The following RALGDS variants were observed in gnomAD, a reference collection of about 807,000 sequenced individuals.
RALGDS encodes the protein ral guanine nucleotide dissociation stimulator.
RALGDS carries 44 observed loss-of-function variants against 99.8 expected under a neutral mutation model. That is an observed-to-expected ratio of 0.44 (90% CI 0.35 to 0.57). The LOEUF (loss-of-function observed/expected upper bound fraction) is 0.57, where lower values mean the gene tolerates loss of function less well. Among genes scored for constraint, RALGDS ranks in the 20% least tolerant of loss-of-function variants. The pLI, the probability that RALGDS is intolerant of heterozygous loss-of-function variation, is 0.01. For missense variants in RALGDS, 1,022 were observed against 1,203.1 expected (o/e 0.85, Z 2.23); for synonymous variants, 529 against 505.0 (o/e 1.05, Z -0.64).
At chr9:133,099,217 C>T (rs1266953454) in intron 17 of RALGDS, 2 of 172,210 alleles carry the variant, frequency 1.2e-5, no homozygotes, top group Non-Finnish European at 2.5e-5. Context: ...ACCCGGCAAG[C>T]ACTTCCTTTT....
intron 1 of RALGDS, among the ~76,000 whole-genome samples, chr9:133,139,404 G>C (rs543692138): frequency 1.2e-3 from 178 of 152,318 alleles, no homozygotes; most frequent in Non-Finnish European, 1.0e-3. Flanking sequence ...CGAGGGGGCA[G>C]GGGGACCAGG....
chr9:133,114,676 C>T (rs575209271), intron 1 of RALGDS, among the ~76,000 whole-genome samples: 9 of 152,326 alleles, frequency 5.9e-5, no homozygotes, highest in South Asian at 4.1e-4. Flanking sequence ...GCAGAGAAAA[C>T]GCTTTCCCCT....
At chr9:133,106,058 T>C (rs1218031653) in intron 8 of RALGDS, 42 bp from the exon 9 acceptor site, 1 of 1,493,756 alleles carries the variant, frequency 6.7e-7, no homozygotes, top group African/African-American at 1.4e-5. Context: ...CTGGGAATGG[T>C]AGGGAGGGGT....
intron 2 of RALGDS, 52 bp from the exon 3 acceptor site, chr9:133,110,541 C>T (rs768660144): frequency 2.1e-5 from 32 of 1,518,578 alleles, no homozygotes; most frequent in Non-Finnish European, 2.8e-5. Flanking sequence ...CACGAATCTC[C>T]TGGAGCTCAG....
At position 133,102,762 on chromosome 9, in the gene RALGDS, T is replaced by C. The variant is rs886702378; in HGVS notation, c.1913+17A>G. The C allele has an allele frequency of 1.2e-6, 2 of 1,609,474 alleles. No individual in the cohort carries two copies. Among genetic ancestry groups the C allele is most frequent in the African/African-American group, 2.7e-5 (2 of 74,922 alleles). On this transcript the variant is annotated intron_variant, in intron 13 of 17. Coordinates refer to ENST00000372050, the MANE Select transcript of RALGDS (RefSeq NM_006266.4). ...ACAGCCTGCCCCCACTGTCCCCATT[T>C]GCTGCCCCGGCCTCACCTCTCAGTC... is the stretch of plus-strand genomic sequence containing the variant.
chr9:133,118,093 C>A (rs2119201379), intron 1 of RALGDS, among the ~76,000 whole-genome samples: 2 of 152,330 alleles, frequency 1.3e-5, no homozygotes, highest in East Asian at 3.9e-4. Context: ...CCTGGTCCCC[C>A]TCTTCTGGGG....
chr9:133,108,508 A>G, intron 5 of RALGDS, 102 bp from the exon 6 acceptor site: 1 of 1,432,182 alleles, frequency 7.0e-7, no homozygotes, highest in Non-Finnish European at 9.5e-7. Context: ...CCCCGAACCC[A>G]CAAAACGTGT....
rs1831275215 is a variant in RALGDS at position 133,110,205 on chromosome 9, G to A, written c.488+91C>T. 6.9e-6 allele frequency: 9 copies of A among 1,305,324 alleles called. No homozygotes were observed. In the African/African-American group the frequency reaches 7.3e-5, roughly 11 times the overall value. The allele number at this position is 1,305,324 out of a possible 1,614,324, so 80.9% of individuals were successfully genotyped here. A position where few individuals can be genotyped will look rare whatever the true frequency, so the allele number is the denominator to read the frequency against. ...TCATATGAGCAAAGCGAGGCTCAGA[G>A]AGGTGAATCAGCATTGCCAAGACCC... On this transcript the variant is annotated intron_variant, in intron 3 of 17. Transcript: ENST00000372050.
At chr9:133,100,479 C>T in intron 16 of RALGDS, 97 bp from the exon 17 acceptor site, 1 of 1,601,094 alleles carries the variant, frequency 6.2e-7, no homozygotes, top group Non-Finnish European at 8.5e-7. Context: ...CCCTCAGCAC[C>T]AAGCACAGGC....
At chr9:133,136,749 C>T (rs1445224791) in intron 1 of RALGDS, among the ~76,000 whole-genome samples, 4 of 151,886 alleles carry the variant, frequency 2.6e-5, no homozygotes, top group Admixed American at 6.6e-5. Flanking sequence ...CCAGCCTGGG[C>T]GACAGAGCAA....
intron 1 of RALGDS, among the ~76,000 whole-genome samples, chr9:133,142,926 G>T (rs1301579605): frequency 6.6e-6 from 1 of 152,224 alleles, no homozygotes; most frequent in Non-Finnish European, 1.5e-5. Context: ...TGCACACGGG[G>T]AGGCGCCATT....
rs1197516388 is a variant in RALGDS at position 133,104,301 on chromosome 9, T to G, written c.1633A>C (p.Met545Leu). 1.2e-6 allele frequency: 2 copies of G among 1,613,964 alleles called. No individual in the cohort carries two copies. The highest frequency in any genetic ancestry group is 4.5e-5 in the East Asian group (2 of 44,874). The change falls in exon 10 of 18, where the codon ATG becomes CTG. Residue 545 changes from methionine (M) to leucine (L), a missense_variant. Around this residue, in one of 3 missense-constraint regions of RALGDS, gnomAD observed 825 missense variants for 994.5 expected, o/e 0.83. Coordinates refer to ENST00000372050, the MANE Select transcript of RALGDS (RefSeq NM_006266.4). ...EGTSKFATLEMNPKRAQKRPK... is the reference protein window; with the variant it reads ...EGTSKFATLELNPKRAQKRPK... The stretch of plus-strand genomic sequence containing the variant: ...CGTTTCTGGGCTCTCTTGGGGTTCA[T>G]CTCCAGGGTGGCAAACTTGGAGGTG...
In RALGDS at chr9:133,103,612, G is replaced by A. The variant is rs928834701; in HGVS notation, c.1758+135C>T. ...AAACCCTGCTGCAGCTCTGTGTTTG[G>A]GCAGCCCTGGGGTGTCACCAGCAGG... is the stretch of plus-strand genomic sequence containing the variant. On this transcript the variant is annotated intron_variant, in intron 11 of 17. Coordinates refer to ENST00000372050, the MANE Select transcript of RALGDS (RefSeq NM_006266.4). The A allele has an allele frequency of 5.3e-6, 5 of 943,186 alleles. No homozygotes were observed. The East Asian group carries it at 9.6e-5, about 18-fold the overall frequency. 58.4% of individuals were successfully genotyped at this position (943,186 alleles called of 1,614,324 possible). A position where few individuals can be genotyped will look rare whatever the true frequency, so the allele number is the denominator to read the frequency against.
upstream of RALGDS, among the ~76,000 whole-genome samples, chr9:133,135,767 T>C (rs111508413): frequency 5.3e-4 from 80 of 152,288 alleles, no homozygotes; most frequent in African/African-American, 1.9e-3. Flanking sequence ...AAAGACTGCA[T>C]GCTGAAATGA....
chr9:133,119,247 T>C (rs565798636), intron 1 of RALGDS, among the ~76,000 whole-genome samples: 2 of 152,188 alleles, frequency 1.3e-5, no homozygotes, highest in South Asian at 4.1e-4. Context: ...GCAGGCCACA[T>C]AGACACCAGG....
chr9:133,120,192 G>C (rs1051323633), intron 1 of RALGDS, among the ~76,000 whole-genome samples: 1 of 152,066 alleles, frequency 6.6e-6, no homozygotes, highest in African/African-American at 2.4e-5. Flanking sequence ...AGAGACCCAG[G>C]GCACACGAGA....
chr9:133,115,943 C>A (rs1831583206), intron 1 of RALGDS, among the ~76,000 whole-genome samples: 1 of 152,264 alleles, frequency 6.6e-6, no homozygotes, highest in African/African-American at 2.4e-5. Context: ...CTCTACAGAG[C>A]CCAGGCTCCT....
At chr9:133,135,927 A>G (rs1832417431), upstream of RALGDS, among the ~76,000 whole-genome samples, 1 of 152,200 alleles carries the variant, frequency 6.6e-6, no homozygotes, top group African/African-American at 2.4e-5. Flanking sequence ...TGCAGGTGAA[A>G]TGTTGCAGCA....
chr9:133,115,295 A>G (rs1831544048), intron 1 of RALGDS, among the ~76,000 whole-genome samples: 1 of 152,204 alleles, frequency 6.6e-6, no homozygotes, highest in South Asian at 2.1e-4. Flanking sequence ...GCCCCTCCCA[A>G]GGAGACCTGG....
Sources: allele counts gnomAD v4.1 joint callset (sites outside exome capture counted in the v4.1 genomes callset), GRCh38; gene constraint gnomAD v4.1.1; regional missense constraint gnomAD v4.1.1; transcripts MANE v1.5; gene names NCBI Gene and HGNC (gene_info 2026-07-23, HGNC 2026-07-21).